The following ZNF121 variants were observed in gnomAD, a reference collection of about 807,000 sequenced individuals.
ZNF121 encodes the protein zinc finger protein 121 (clone ZHC32).
In ZNF121, 1 loss-of-function variant was observed where a neutral mutation model predicts 2.4. That is an observed-to-expected ratio of 0.41 (90% CI 0.15 to 1.94). The LOEUF is 1.94. Ranked by LOEUF, ZNF121 falls within the 30% of genes most tolerant of loss-of-function variation. The probability of loss-of-function intolerance (pLI) is 0.30; values close to 1 mark genes in which losing one functional copy is unlikely to be tolerated. For synonymous variants in ZNF121, 173 were observed against 158.6 expected, an observed-to-expected ratio of 1.09 and a Z score of -0.68; for missense variants, 369 against 466.3, an observed-to-expected ratio of 0.79 and a Z score of 1.92.
At position 9,566,885 on chromosome 19, in the gene ZNF121, A is replaced by G. The variant is rs754847406; in HGVS notation, c.228T>C (p.Asn76=). 5.0e-6 allele frequency: 8 copies of G among 1,614,096 alleles called. No individual in the cohort carries two copies. Among genetic ancestry groups the G allele is most frequent in the African/African-American group, 4.0e-5 (3 of 74,946 alleles). Reference sequence around the variant, plus strand: ...CTCCTATCCACGTTCTCTGGTGAACATTTGGTGGCAGGCTGAAGGCTTTTC... The same window carrying G: ...CTCCTATCCACGTTCTCTGGTGAACGTTTGGTGGCAGGCTGAAGGCTTTTC... ...QCRKAFSLPP[N]VHQRTWIGDK... The change falls in exon 4 of 4, where the codon AAT becomes AAC. Residue 76 remains asparagine, a synonymous_variant. Transcript: ENST00000320451.
chr19:9,565,455 A>C lies in ZNF121; in HGVS notation c.*485T>G, dbSNP rs1030151360. ...GAGGCCAAGGCGGGTGGATCACCTG[A>C]GGTCAGGAGCTCGAGACCAGCCTGG... On this transcript the variant is annotated 3_prime_UTR_variant, in exon 4 of 4. Transcript: ENST00000320451. The C allele has an allele frequency of 6.9e-6, 1 of 145,614 alleles. No individual in the cohort carries two copies. Among genetic ancestry groups the C allele is most frequent in the African/African-American group, 2.5e-5 (1 of 40,130 alleles). 9.0% of individuals were successfully genotyped at this position (145,614 alleles called of 1,614,324 possible). A position where few individuals can be genotyped will look rare whatever the true frequency, so the allele number is the denominator to read the frequency against.
In ZNF121 at chr19:9,570,562, T is replaced by TTTTG. The variant is rs988577448; in HGVS notation, c.-159-1484_-159-1481dup. 1.7e-4 allele frequency among the ~76,000 whole-genome samples: 26 copies of TTTTG among 152,080 alleles called. 1 individual carries two copies. In the South Asian group the frequency reaches 3.3e-3, roughly 19 times the overall value. On this transcript the variant is annotated intron_variant, in intron 1 of 3. Transcript: ENST00000320451. ...TCACTGAGATGAGTTCCCTGGGTTTTTTTGTTTGTTTGTTTGTTTTTGAGA... is the reference window on the plus strand; with the variant it reads ...TCACTGAGATGAGTTCCCTGGGTTTTTTTGTTTGTTTGTTTGTTTGTTTTTGAGA...
chr19:9,571,812 G>A (rs1272584842), intron 1 of ZNF121, among the ~76,000 whole-genome samples: 2 of 152,156 alleles, frequency 1.3e-5, no homozygotes, highest in African/African-American at 4.8e-5. Context: ...AGAGTGGCAT[G>A]ATCATAGCTC....
Position 9,563,659 on chromosome 19 carries a change from A to T in ZNF121, c.*2281T>A, listed in dbSNP as rs1026851561. On this transcript the variant is annotated 3_prime_UTR_variant, in exon 4 of 4. Coordinates refer to ENST00000320451, the MANE Select transcript of ZNF121 (RefSeq NM_001008727.5). ...TGGCTGGTCTTGAACTCTTGACCTC[A>T]AGTGATCCTCCAACCTCAGCCTCCC... The T allele has an allele frequency of 2.0e-5, 3 of 152,328 alleles. No individual in the cohort carries two copies. The highest frequency in any genetic ancestry group is 6.5e-5 in the Admixed American group (1 of 15,288). 9.4% of individuals were successfully genotyped at this position (152,328 alleles called of 1,614,324 possible). A position where few individuals can be genotyped will look rare whatever the true frequency, so the allele number is the denominator to read the frequency against.
Position 9,566,445 on chromosome 19 carries a change from G to A in ZNF121, c.668C>T (p.Thr223Ile). The change falls in exon 4 of 4, where the codon ACT becomes ATT. Residue 223 changes from threonine to isoleucine, a missense_variant. Thr to Ile is a moderately conservative substitution (Grantham distance 89). Coordinates refer to ENST00000320451, the MANE Select transcript of ZNF121 (RefSeq NM_001008727.5). ...SGLTKHVRIH[T>I]GEKPYECNEC... ...GTTACATTCATAGGGCTTCTCTCCAGTGTGTATTCGTACATGTTTAGTAAG... is the reference window on the plus strand; with the variant it reads ...GTTACATTCATAGGGCTTCTCTCCAATGTGTATTCGTACATGTTTAGTAAG... The A allele has an allele frequency of 6.2e-7, 1 of 1,613,998 alleles. No individual in the cohort carries two copies. Among genetic ancestry groups the A allele is most frequent in the Non-Finnish European group, 8.5e-7 (1 of 1,179,976 alleles).
intron 1 of ZNF121, among the ~76,000 whole-genome samples, chr19:9,583,349 G>A (rs1269595160): frequency 6.6e-6 from 1 of 151,380 alleles, no homozygotes; most frequent in Non-Finnish European, 1.5e-5. Flanking sequence ...TTTTTGAGAC[G>A]GAGTTTCGCT....
chr19:9,583,488 G>GATT (rs1568217015), intron 1 of ZNF121, among the ~76,000 whole-genome samples: 10 of 109,824 alleles, frequency 9.1e-5, no homozygotes, highest in African/African-American at 3.2e-4. Flanking sequence ...ACCAAGCCTG[G>GATT]CTTTTTTTTT....
At chr19:9,573,067 CCAGA>C (rs1262999027) in intron 1 of ZNF121, among the ~76,000 whole-genome samples, 2 of 152,016 alleles carry the variant, frequency 1.3e-5, no homozygotes, top group East Asian at 1.9e-4. Flanking sequence ...AAACCACAAG[CCAGA>C]CAAAGACTGT....
chr19:9,563,597 CTT>C lies in ZNF121; in HGVS notation c.*2341_*2342del, dbSNP rs951031170. On this transcript the variant is annotated 3_prime_UTR_variant, in exon 4 of 4. Coordinates refer to ENST00000320451, the MANE Select transcript of ZNF121 (RefSeq NM_001008727.5). ...CAAAGATTCAAAGGACGGGCTGACT[CTT>C]TACTTTGTAGAGACAGCGTCACGCT... 6.6e-6 allele frequency: 1 copy of C among 152,198 alleles called. No individual in the cohort carries two copies. Among genetic ancestry groups the C allele is most frequent in the African/African-American group, 2.4e-5 (1 of 41,446 alleles). The allele number at this position is 152,198 out of a possible 1,614,324, so 9.4% of individuals were successfully genotyped here.
chr19:9,568,197 G>GAA, intron 2 of ZNF121, 22 bp from the exon 3 acceptor site: 5 of 1,223,958 alleles, frequency 4.1e-6, no homozygotes, highest in South Asian at 1.7e-5. Context: ...CAGAAAAAAA[G>GAA]AAAAAAAAAT....
rs1018071412 is a variant in ZNF121 at position 9,562,982 on chromosome 19, C to T, written c.*2958G>A. On this transcript the variant is annotated 3_prime_UTR_variant, in exon 4 of 4. Coordinates refer to ENST00000320451, the MANE Select transcript of ZNF121 (RefSeq NM_001008727.5). ...AGGAGACAGGAAGATCACTGGAACCCGTAAGTTTGAGGCTGCAATGGGCTA... is the reference window on the plus strand; with the variant it reads ...AGGAGACAGGAAGATCACTGGAACCTGTAAGTTTGAGGCTGCAATGGGCTA... The T allele has an allele frequency of 5.5e-5, 8 of 146,750 alleles. No homozygotes were observed. The highest frequency in any genetic ancestry group is 1.8e-4 in the African/African-American group (7 of 39,314). 9.1% of individuals were successfully genotyped at this position (146,750 alleles called of 1,614,324 possible). A position where few individuals can be genotyped will look rare whatever the true frequency, so the allele number is the denominator to read the frequency against.
At chr19:9,567,802 A>G (rs973222474) in intron 3 of ZNF121, 14 of 287,422 alleles carry the variant, frequency 4.9e-5, no homozygotes, top group South Asian at 1.1e-4. Flanking sequence ...TTGTGCTTCT[A>G]TGACAATCGA....
At chr19:9,571,208 T>C (rs2074171685) in intron 1 of ZNF121, among the ~76,000 whole-genome samples, 1 of 152,190 alleles carries the variant, frequency 6.6e-6, no homozygotes, top group African/African-American at 2.4e-5. Flanking sequence ...TGTAAACAAA[T>C]GAACACGGTT....
intron 1 of ZNF121, among the ~76,000 whole-genome samples, chr19:9,576,861 A>G (rs1042954156): frequency 1.3e-5 from 2 of 152,208 alleles, no homozygotes; most frequent in African/African-American, 4.8e-5. Flanking sequence ...TAAGCCTGGA[A>G]GAAATGGACA....
At chr19:9,580,250 C>T (rs2074239358) in intron 1 of ZNF121, among the ~76,000 whole-genome samples, 1 of 151,792 alleles carries the variant, frequency 6.6e-6, no homozygotes, top group South Asian at 2.1e-4. Flanking sequence ...CCAGTTTGTG[C>T]CACTGCACTC....
intron 1 of ZNF121, among the ~76,000 whole-genome samples, chr19:9,572,279 G>A (rs2074179741): frequency 6.6e-6 from 1 of 152,168 alleles, no homozygotes; most frequent in Non-Finnish European, 1.5e-5. Context: ...GACGTTAAGA[G>A]AATCAAGTTT....
At chr19:9,577,995 A>G (rs1192826895) in intron 1 of ZNF121, among the ~76,000 whole-genome samples, 2 of 151,552 alleles carry the variant, frequency 1.3e-5, no homozygotes, top group Admixed American at 6.6e-5. Flanking sequence ...GATCAAGACC[A>G]TCCCGGCTAA....
intron 1 of ZNF121, among the ~76,000 whole-genome samples, chr19:9,572,867 C>G (rs945970068): frequency 3.3e-5 from 5 of 152,144 alleles, no homozygotes; most frequent in African/African-American, 1.2e-4. Context: ...CTAAAAAGTA[C>G]AAAAAGTAGC....
chr19:9,572,755 C>T (rs2074182927), intron 1 of ZNF121, among the ~76,000 whole-genome samples: 1 of 152,086 alleles, frequency 6.6e-6, no homozygotes, highest in South Asian at 2.1e-4. Flanking sequence ...AGGCAGTGAC[C>T]TAGGGAAATT....
Sources: gnomAD v4.1 joint callset for allele counts (sites outside exome capture counted in the v4.1 genomes callset) on GRCh38, gnomAD v4.1.1 for gene constraint, MANE v1.5 for transcripts, NCBI Gene and HGNC (gene_info 2026-07-23, HGNC 2026-07-21) for gene names.